The following TANC1 variants were observed in gnomAD, a reference collection of about 807,000 sequenced individuals.
TANC1 encodes protein TANC1.
TANC1 carries 77 observed loss-of-function variants against 149.7 expected under a neutral mutation model. That is an observed-to-expected ratio of 0.51 (90% CI 0.43 to 0.62). TANC1 has a LOEUF of 0.62. Among genes scored for constraint, TANC1 ranks in the 20% least tolerant of loss-of-function variants. The pLI is 0.00. For synonymous variants in TANC1, 854 were observed against 925.0 expected (o/e 0.92, Z 1.39); for missense variants, 1,985 against 2,321.8 (o/e 0.85, Z 2.98).
intron 22 of TANC1, among the ~76,000 whole-genome samples, chr2:159,220,582 G>A (rs1213374722): frequency 1.3e-5 from 2 of 149,190 alleles, no homozygotes; most frequent in African/African-American, 5.0e-5. Context: ...GATTACAGGC[G>A]TAAGCCCCTG....
chr2:159,191,981 C>A (rs1237024687), intron 16 of TANC1, among the ~76,000 whole-genome samples: 1 of 151,782 alleles, frequency 6.6e-6, no homozygotes, highest in Non-Finnish European at 1.5e-5. Context: ...ATCTTAATAG[C>A]TGTTAAAGGA....
chr2:159,092,727 G>C (rs1207105271), intron 3 of TANC1, among the ~76,000 whole-genome samples: 1 of 152,190 alleles, frequency 6.6e-6, no homozygotes, highest in Non-Finnish European at 1.5e-5. Flanking sequence ...AGAAGCAAAG[G>C]AGTGTGTGTG....
chr2:159,217,366 C>T (rs1370233338), intron 19 of TANC1, 131 bp from the exon 20 acceptor site: 2 of 1,154,892 alleles, frequency 1.7e-6, no homozygotes, highest in South Asian at 1.4e-5. Context: ...TGTCACAGAG[C>T]CCCCGCAGGT....
chr2:159,065,317 A>T (rs1034136055), intron 2 of TANC1, among the ~76,000 whole-genome samples: 5 of 152,092 alleles, frequency 3.3e-5, no homozygotes. Flanking sequence ...TATTGTAAAA[A>T]CCCACTGTGG....
intron 19 of TANC1, among the ~76,000 whole-genome samples, chr2:159,215,627 GAGACCCGAGCTC>G (rs1259382479): frequency 3.3e-5 from 5 of 152,350 alleles, no homozygotes; most frequent in African/African-American, 1.2e-4. Flanking sequence ...GCTTAGCTCT[GAGACCCGAGCTC>G]AGAAGGTGCG....
At chr2:159,021,397 A>G (rs2038822431) in intron 2 of TANC1, among the ~76,000 whole-genome samples, 1 of 152,186 alleles carries the variant, frequency 6.6e-6, no homozygotes, top group South Asian at 2.1e-4. Flanking sequence ...TCTTTTAAAA[A>G]GATAACCAAA....
At chr2:159,221,041 G>C (rs1449184555) in intron 22 of TANC1, among the ~76,000 whole-genome samples, 1 of 152,094 alleles carries the variant, frequency 6.6e-6, no homozygotes, top group Non-Finnish European at 1.5e-5. Flanking sequence ...ATCTCTTTTA[G>C]CTATTTTGAA....
At chr2:159,077,075 A>G (rs1161458536) in intron 3 of TANC1, among the ~76,000 whole-genome samples, 1 of 151,484 alleles carries the variant, frequency 6.6e-6, no homozygotes, top group African/African-American at 2.4e-5. Context: ...TGAATCACTG[A>G]GTAGACAGGG....
intron 4 of TANC1, among the ~76,000 whole-genome samples, chr2:159,108,171 C>T (rs2047377552): frequency 6.6e-6 from 1 of 152,172 alleles, no homozygotes; most frequent in Non-Finnish European, 1.5e-5. Context: ...TGTACCTTTC[C>T]CCATATCCAG....
intron 5 of TANC1, among the ~76,000 whole-genome samples, chr2:159,146,970 A>G (rs1270532989): frequency 6.6e-6 from 1 of 151,906 alleles, no homozygotes; most frequent in Non-Finnish European, 1.5e-5. Flanking sequence ...ATCCTGGAGT[A>G]TCTGTTTGCA....
intron 1 of TANC1, among the ~76,000 whole-genome samples, chr2:158,990,926 A>T (rs1296425265): frequency 1.3e-5 from 2 of 151,786 alleles, no homozygotes; most frequent in African/African-American, 2.4e-5. Context: ...TACAAAAATT[A>T]TATGGGCATG....
intron 2 of TANC1, among the ~76,000 whole-genome samples, chr2:159,008,099 T>C (rs1365896223): frequency 6.6e-6 from 1 of 152,234 alleles, no homozygotes; most frequent in East Asian, 1.9e-4. Context: ...TCAAATTTTT[T>C]GAGTGGTTTT....
At chr2:159,065,208 G>A (rs546529657) in intron 2 of TANC1, among the ~76,000 whole-genome samples, 94 of 152,244 alleles carry the variant, frequency 6.2e-4, no homozygotes, top group Non-Finnish European at 1.2e-3. Flanking sequence ...GTACAACCCT[G>A]CTTAAAGATA....
At chr2:159,073,140 CA>C (rs2043305246) in intron 3 of TANC1, among the ~76,000 whole-genome samples, 1 of 152,172 alleles carries the variant, frequency 6.6e-6, no homozygotes, top group Non-Finnish European at 1.5e-5. Flanking sequence ...TTTCTAAGTA[CA>C]GTTTATAAAA....
intron 5 of TANC1, among the ~76,000 whole-genome samples, chr2:159,139,960 C>T (rs1487350268): frequency 6.6e-6 from 1 of 152,060 alleles, no homozygotes; most frequent in East Asian, 1.9e-4. Flanking sequence ...TGGTGGCTCG[C>T]CCTTATAATC....
At chr2:159,037,621 G>A (rs555269234) in intron 2 of TANC1, among the ~76,000 whole-genome samples, 16 of 152,056 alleles carry the variant, frequency 1.1e-4, no homozygotes, top group African/African-American at 2.9e-4. Context: ...AATCCTTTCC[G>A]TGTTCCTTGT....
At chr2:159,134,720 A>C (rs1175112482) in intron 4 of TANC1, among the ~76,000 whole-genome samples, 3 of 151,624 alleles carry the variant, frequency 2.0e-5, no homozygotes, top group Non-Finnish European at 4.4e-5. Context: ...TCCTGACCTC[A>C]TGATCCACCC....
At chr2:159,100,097 G>C (rs1251549090) in intron 4 of TANC1, among the ~76,000 whole-genome samples, 1 of 152,126 alleles carries the variant, frequency 6.6e-6, no homozygotes. Flanking sequence ...TATTTTTAAG[G>C]GATCTCTGTT....
At chr2:159,043,321 G>C (rs1559164934) in intron 2 of TANC1, among the ~76,000 whole-genome samples, 1 of 151,950 alleles carries the variant, frequency 6.6e-6, no homozygotes, top group African/African-American at 2.4e-5. Flanking sequence ...AGGAACTTAC[G>C]GGCATCCCTG....
Sources: allele counts gnomAD v4.1 joint callset (sites outside exome capture counted in the v4.1 genomes callset), GRCh38; gene constraint gnomAD v4.1.1; transcripts MANE v1.5; gene names NCBI Gene and HGNC (gene_info 2026-07-23, HGNC 2026-07-21).